The following NCALD variants were observed in gnomAD, a reference collection of about 807,000 sequenced individuals.
The protein encoded by NCALD is neurocalcin-delta.
NCALD carries 10 observed loss-of-function variants against 18.6 expected under a neutral mutation model. The observed-to-expected ratio is 0.54, with a 90% CI of 0.33 to 0.91. NCALD has a LOEUF of 0.91. Ranked by LOEUF, NCALD falls within the 40% of genes least tolerant of loss-of-function variation. The probability of loss-of-function intolerance (pLI) is 0.03; values close to 1 mark genes in which losing one functional copy is unlikely to be tolerated. For synonymous variants in NCALD, 88 were observed against 87.4 expected (o/e 1.01, Z -0.04); for missense variants, 184 against 247.6 (o/e 0.74, Z 1.72).
chr8:102,090,019 G>A (rs1048177218), intron 1 of NCALD, among the ~76,000 whole-genome samples: 2 of 152,130 alleles, frequency 1.3e-5, no homozygotes, highest in African/African-American at 4.8e-5. Context: ...GGATAGATTT[G>A]TCTATAAGGT....
At chr8:101,823,551 TA>T (rs199557825) in intron 4 of NCALD, among the ~76,000 whole-genome samples, 2 of 151,226 alleles carry the variant, frequency 1.3e-5, no homozygotes, top group African/African-American at 4.9e-5. Flanking sequence ...GTTGAGCAAA[TA>T]AAAAAAATGT....
chr8:101,892,594 C>A lies in NCALD; in HGVS notation c.-106-5367G>T, dbSNP rs1028429964. On this transcript the variant is annotated intron_variant, in intron 3 of 6. Transcript: ENST00000311028. ...TACAGGAGGAAATTCAAACCAAAGG[C>A]AAAGAAGTTGAACACTTTGAAAAAA... is the stretch of plus-strand genomic sequence containing the variant. Among the ~76,000 whole-genome samples, 4 of 148,632 alleles carry A rather than the reference C, an allele frequency of 2.7e-5. 1 individual carries two copies. Among genetic ancestry groups the A allele is most frequent in the Admixed American group, 1.3e-4 (2 of 15,050 alleles).
chr8:101,971,941 A>G (rs1820255739), intron 2 of NCALD, among the ~76,000 whole-genome samples: 1 of 152,228 alleles, frequency 6.6e-6, no homozygotes, highest in African/African-American at 2.4e-5. Flanking sequence ...AATGACTTGT[A>G]GAAAGTCATG....
At chr8:101,884,465 G>A (rs1816603466) in intron 4 of NCALD, among the ~76,000 whole-genome samples, 2 of 152,088 alleles carry the variant, frequency 1.3e-5, no homozygotes, top group Admixed American at 6.6e-5. Flanking sequence ...AATGAATTAT[G>A]CTTCTAGAAA....
intron 2 of NCALD, among the ~76,000 whole-genome samples, chr8:101,941,003 AG>A (rs1818936439): frequency 6.6e-6 from 1 of 152,246 alleles, no homozygotes; most frequent in Admixed American, 6.5e-5. Context: ...CTTTTCACCA[AG>A]GAACAAACCC....
intron 1 of NCALD, among the ~76,000 whole-genome samples, chr8:102,047,427 A>G (rs1823285460): frequency 6.6e-6 from 1 of 152,242 alleles, no homozygotes; most frequent in Non-Finnish European, 1.5e-5. Flanking sequence ...GTGATGATGA[A>G]AAGGTTCTAT....
At chr8:102,089,049 A>G (rs1452060638) in intron 1 of NCALD, among the ~76,000 whole-genome samples, 2 of 152,194 alleles carry the variant, frequency 1.3e-5, no homozygotes, top group African/African-American at 4.8e-5. Flanking sequence ...CATAAAAACT[A>G]CATGCTTTCC....
At chr8:101,899,444 A>G (rs2131557079) in intron 3 of NCALD, among the ~76,000 whole-genome samples, 1 of 152,090 alleles carries the variant, frequency 6.6e-6, no homozygotes, top group African/African-American at 2.4e-5. Flanking sequence ...AGGAGTGGTG[A>G]GAGCAGTCAT....
At chr8:102,031,049 GACAA>G (rs1586950906) in intron 1 of NCALD, among the ~76,000 whole-genome samples, 1 of 151,032 alleles carries the variant, frequency 6.6e-6, no homozygotes, top group Admixed American at 6.6e-5. Flanking sequence ...ATTACAAAAA[GACAA>G]ACAACACAAA....
intron 4 of NCALD, among the ~76,000 whole-genome samples, chr8:101,851,946 C>A (rs1013707540): frequency 1.2e-4 from 18 of 152,020 alleles, no homozygotes; most frequent in Admixed American, 3.3e-4. Context: ...GGGATTATTG[C>A]CCTTATAAAA....
At chr8:101,751,480 C>T (rs1199051412) in intron 1 of NCALD, among the ~76,000 whole-genome samples, 2 of 151,946 alleles carry the variant, frequency 1.3e-5, no homozygotes, top group East Asian at 3.9e-4. Context: ...GAATTGTATG[C>T]CTAAAATTAG....
intron 3 of NCALD, among the ~76,000 whole-genome samples, chr8:101,902,149 C>G (rs996665553): frequency 1.3e-5 from 2 of 152,064 alleles, no homozygotes; most frequent in African/African-American, 4.8e-5. Flanking sequence ...AGATCCGTGC[C>G]CTCTTTTTTT....
intron 1 of NCALD, among the ~76,000 whole-genome samples, chr8:102,102,480 T>C (rs1825317713): frequency 6.6e-6 from 1 of 152,174 alleles, no homozygotes. Context: ...CCAGAGGACA[T>C]GGAGCAGTCT....
intron 4 of NCALD, among the ~76,000 whole-genome samples, chr8:101,868,435 A>T (rs1815867872): frequency 6.6e-6 from 1 of 152,160 alleles, no homozygotes; most frequent in Non-Finnish European, 1.5e-5. Context: ...ACTTCCTAGA[A>T]CTAAATCAAA....
intron 2 of NCALD, among the ~76,000 whole-genome samples, chr8:102,014,726 T>TA (rs1451237611): frequency 6.6e-6 from 1 of 152,154 alleles, no homozygotes; most frequent in Non-Finnish European, 1.5e-5. Context: ...TTCCTTACAG[T>TA]AGAGTTACCT....
chr8:101,693,635 G>C (rs1401531391), intron 2 of NCALD: 1 of 152,152 alleles, frequency 6.6e-6, no homozygotes, highest in Non-Finnish European at 1.5e-5. Flanking sequence ...TGAAAAGCAA[G>C]GTTCCCACTT....
intron 2 of NCALD, among the ~76,000 whole-genome samples, chr8:102,004,430 A>G (rs1177073669): frequency 6.6e-6 from 1 of 152,118 alleles, no homozygotes; most frequent in African/African-American, 2.4e-5. Flanking sequence ...GGAAGAATCA[A>G]TATTGTGAAA....
chr8:101,767,431 A>C (rs962333907), intron 1 of NCALD, among the ~76,000 whole-genome samples: 1 of 152,202 alleles, frequency 6.6e-6, no homozygotes, highest in Non-Finnish European at 1.5e-5. Flanking sequence ...GATGACAATA[A>C]AGTAGACTAT....
chr8:101,727,067 A>G (rs1167779083), intron 1 of NCALD, among the ~76,000 whole-genome samples: 1 of 152,200 alleles, frequency 6.6e-6, no homozygotes, highest in Non-Finnish European at 1.5e-5. Context: ...AAGACTGGAC[A>G]TTGAAAGGTC....
Sources: gnomAD v4.1 joint callset for allele counts (sites outside exome capture counted in the v4.1 genomes callset) on GRCh38, gnomAD v4.1.1 for gene constraint, MANE v1.5 for transcripts, NCBI Gene and HGNC (gene_info 2026-07-23, HGNC 2026-07-21) for gene names.